Variants in TENM4 observed in about 807,000 individuals in gnomAD.
TENM4 encodes teneurin-4.
Under a neutral mutation model 243.3 loss-of-function variants are expected in TENM4, and 82 were observed. That is an observed-to-expected ratio of 0.34 (90% confidence interval 0.28 to 0.40). The LOEUF (loss-of-function observed/expected upper bound fraction) is 0.40, where lower values mean the gene tolerates loss of function less well. Among genes scored for constraint, TENM4 ranks in the 10% least tolerant of loss-of-function variants. The probability of loss-of-function intolerance (pLI) is 1.00; values close to 1 mark genes in which losing one functional copy is unlikely to be tolerated. For synonymous variants in TENM4, 1,412 were observed against 1,456.3 expected (o/e 0.97, Z 0.69); for missense variants, 3,138 against 3,673.3 (o/e 0.85, Z 3.77).
At chr11:79,243,291 G>A (rs1054620028) in intron 2 of TENM4, among the ~76,000 whole-genome samples, 2 of 152,088 alleles carry the variant, frequency 1.3e-5, no homozygotes, top group Non-Finnish European at 2.9e-5. Flanking sequence ...CTTTTGTGAG[G>A]CACCACGGTG....
In TENM4 at chr11:78,903,345, G is replaced by A; in HGVS notation, c.672C>T (p.Pro224=). ...APTDHSLSGE[P]PAGGAQEPAH... ...CAGGCTCCTGGGCGCCGCCGGCAGG[G>A]GGCTCTCCGGAGAGCGAGTGGTCCG... Residue 224 remains proline (P), a synonymous_variant, in exon 7 of 34, where the codon CCC becomes CCT. Transcript: ENST00000278550. 1 of 1,480,722 alleles carries A rather than the reference G, an allele frequency of 6.8e-7. No homozygotes were observed. The highest frequency in any genetic ancestry group is 9.0e-7 in the Non-Finnish European group (1 of 1,116,736). 91.7% of individuals were successfully genotyped at this position (1,480,722 alleles called of 1,614,324 possible). A position where few individuals can be genotyped will look rare whatever the true frequency, so the allele number is the denominator to read the frequency against.
chr11:78,957,811 T>C (rs1416901866), intron 6 of TENM4, among the ~76,000 whole-genome samples: 2 of 152,226 alleles, frequency 1.3e-5, no homozygotes, highest in Non-Finnish European at 2.9e-5. Context: ...TCATCTCATA[T>C]AACAGGGGCT....
intron 12 of TENM4, among the ~76,000 whole-genome samples, chr11:78,849,983 C>T (rs1205279987): frequency 6.6e-6 from 1 of 152,162 alleles, no homozygotes; most frequent in Non-Finnish European, 1.5e-5. Flanking sequence ...GATTCTGGAT[C>T]TCCACCTGCA....
chr11:79,010,152 T>G (rs1858605125), intron 6 of TENM4, among the ~76,000 whole-genome samples: 1 of 152,166 alleles, frequency 6.6e-6, no homozygotes, highest in South Asian at 2.1e-4. Flanking sequence ...ATGTCTTTAT[T>G]AGCGGTGTGA....
intron 1 of TENM4, among the ~76,000 whole-genome samples, chr11:79,412,471 T>C (rs1565335986): frequency 6.6e-6 from 1 of 152,208 alleles, no homozygotes; most frequent in Non-Finnish European, 1.5e-5. Context: ...CAGTAGACTC[T>C]AGAGCTGAAT....
intron 1 of TENM4, among the ~76,000 whole-genome samples, chr11:79,325,514 A>T (rs1856959014): frequency 6.6e-6 from 1 of 152,212 alleles, no homozygotes; most frequent in African/African-American, 2.4e-5. Context: ...CTGTGTGAGC[A>T]TGTGAGCATG....
chr11:78,826,747 G>A (rs1371883734), intron 12 of TENM4, among the ~76,000 whole-genome samples: 3 of 152,124 alleles, frequency 2.0e-5, no homozygotes, highest in Non-Finnish European at 4.4e-5. Flanking sequence ...TTAAAAATGA[G>A]GTCAAAGAAA....
At chr11:78,741,078 A>G (rs1855919324) in intron 19 of TENM4, among the ~76,000 whole-genome samples, 1 of 152,216 alleles carries the variant, frequency 6.6e-6, no homozygotes, top group African/African-American at 2.4e-5. Flanking sequence ...TTCTGTTTTC[A>G]TGATTTTCAC....
Position 79,064,704 on chromosome 11 carries a change from C to T in TENM4, c.493+34G>A, listed in dbSNP as rs767721225. On this transcript the variant is annotated intron_variant, in intron 6 of 33. Transcript: ENST00000278550. ...TAAATAAAACCCCAGCCCCACCACC[C>T]AGGCACCCGGCACAGACCAAACCAG... The T allele has an allele frequency of 1.4e-3, 2,098 of 1,550,452 alleles. 1 individual carries two copies. The highest frequency in any genetic ancestry group is 1.7e-3 in the Non-Finnish European group (1,966 of 1,146,296).
At chr11:79,086,616 T>C (rs1321271588) in intron 4 of TENM4, among the ~76,000 whole-genome samples, 3 of 152,182 alleles carry the variant, frequency 2.0e-5, no homozygotes, top group South Asian at 4.2e-4. Flanking sequence ...GGCAGATCAC[T>C]TGAGGTCAGG....
rs1171983399 is a variant in TENM4 at position 78,787,041 on chromosome 11, C to A, written c.2222G>T (p.Gly741Val). The A allele has an allele frequency of 1.9e-6, 3 of 1,553,046 alleles. No individual in the cohort carries two copies. Among genetic ancestry groups the A allele is most frequent in the Non-Finnish European group, 2.6e-6 (3 of 1,148,028 alleles). Residue 741 changes from glycine to valine, a missense_variant, in exon 16 of 34, where the codon GGG (glycine) becomes GTG (valine). Around this residue, in one of 2 missense-constraint regions of TENM4, gnomAD observed 2,467 missense variants for 3,059.1 expected, o/e 0.81. Transcript: ENST00000278550. ...GCCATCCTCGCAGCGGCAGGTGCCC[C>A]CTACGCACACGCCATGGCCACCACA... ...ADCGGHGVCV[G>V]GTCRCEDGWM...
intron 6 of TENM4, among the ~76,000 whole-genome samples, chr11:78,914,148 T>G (rs141855347): frequency 6.6e-6 from 1 of 152,248 alleles, no homozygotes; most frequent in Non-Finnish European, 1.5e-5. Flanking sequence ...TAACTCACTC[T>G]GTGACTTTGG....
At chr11:78,738,289 A>G (rs995952505) in intron 20 of TENM4, among the ~76,000 whole-genome samples, 162 bp downstream of exon 20, 1 of 152,360 alleles carries the variant, frequency 6.6e-6, no homozygotes, top group Admixed American at 6.5e-5. Context: ...AGAGTTAGGT[A>G]CAAGGTCATA....
At chr11:79,250,595 G>A (rs1174047340) in intron 2 of TENM4, among the ~76,000 whole-genome samples, 1 of 152,174 alleles carries the variant, frequency 6.6e-6, no homozygotes, top group Non-Finnish European at 1.5e-5. Context: ...TATTCTAATG[G>A]AGGATGCCTG....
At chr11:79,207,241 A>G (rs1863866155) in intron 3 of TENM4, among the ~76,000 whole-genome samples, 1 of 152,220 alleles carries the variant, frequency 6.6e-6, no homozygotes, top group Non-Finnish European at 1.5e-5. Flanking sequence ...AGAGCTTTGT[A>G]AAGGTGCAAA....
chr11:79,265,377 G>A (rs1855866556), intron 2 of TENM4, among the ~76,000 whole-genome samples: 1 of 152,184 alleles, frequency 6.6e-6, no homozygotes, highest in Non-Finnish European at 1.5e-5. Context: ...TGTGGCTATG[G>A]AGCCCTTGAA....
chr11:79,240,751 T>C (rs1465520666), intron 2 of TENM4, among the ~76,000 whole-genome samples: 1 of 152,190 alleles, frequency 6.6e-6, no homozygotes, highest in African/African-American at 2.4e-5. Flanking sequence ...CTTTTAAAAA[T>C]AAATGATTCC....
chr11:79,290,588 G>T (rs1411494485), intron 2 of TENM4, among the ~76,000 whole-genome samples: 1 of 151,914 alleles, frequency 6.6e-6, no homozygotes, highest in African/African-American at 2.4e-5. Context: ...TTGTACCACT[G>T]CAGTATCCAG....
chr11:79,292,224 AG>A (rs1856368734), intron 2 of TENM4, among the ~76,000 whole-genome samples: 2 of 152,134 alleles, frequency 1.3e-5, no homozygotes, highest in Admixed American at 1.3e-4. Flanking sequence ...TAGAAGCAAA[AG>A]CCCTCCCTTG....
Sources: gnomAD v4.1 joint callset for allele counts (sites outside exome capture counted in the v4.1 genomes callset) on GRCh38, gnomAD v4.1.1 for gene constraint, gnomAD v4.1.1 regional missense constraint, MANE v1.5 for transcripts, NCBI Gene and HGNC (gene_info 2026-07-23, HGNC 2026-07-21) for gene names.